The following OPCML variants were observed in gnomAD, a reference collection of about 807,000 sequenced individuals.
OPCML encodes opioid-binding protein/cell adhesion molecule.
OPCML carries 13 observed loss-of-function variants against 37.8 expected under a neutral mutation model. The ratio of observed to expected loss-of-function variants is 0.34; its 90% CI spans 0.22 to 0.55. The LOEUF is 0.55. OPCML is among the 20% of genes least tolerant of loss of function. The pLI is 0.91. For missense variants in OPCML, 341 were observed against 435.6 expected, an observed-to-expected ratio of 0.78 and a Z score of 1.93; for synonymous variants, 176 against 168.8, an observed-to-expected ratio of 1.04 and a Z score of -0.33.
At chr11:133,170,765 C>T (rs1592069605) in intron 1 of OPCML, among the ~76,000 whole-genome samples, 1 of 152,188 alleles carries the variant, frequency 6.6e-6, no homozygotes, top group Admixed American at 6.5e-5. Context: ...AAAGCCCCAA[C>T]ACTGGAAACA....
chr11:133,373,424 A>AATATATATAT (rs57417327), intron 1 of OPCML, among the ~76,000 whole-genome samples: 6,838 of 117,454 alleles, frequency 0.058, 265 homozygotes, highest in Non-Finnish European at 0.073. Flanking sequence ...ACTTAATTAA[A>AATATATATAT]ATATATATAT....
At position 133,346,832 on chromosome 11, in the gene OPCML, A is replaced by ATG. The variant is rs144232137; in HGVS notation, c.61+185430_61+185431dup. On this transcript the variant is annotated intron_variant, in intron 1 of 7. Transcript: ENST00000524381. ...ATGTTAGCTATGGGGTTTTCTGTGCATGTGTGTGTGTGTTTTGTTTTGTTT... is the reference window on the plus strand; with the variant it reads ...ATGTTAGCTATGGGGTTTTCTGTGCATGTGTGTGTGTGTGTTTTGTTTTGTTT... Among the ~76,000 whole-genome samples the ATG allele has an allele frequency of 1.8e-3, 270 of 152,118 alleles. 1 individual carries two copies. The highest frequency in any genetic ancestry group is 6.1e-3 in the African/African-American group (255 of 41,486).
At chr11:132,985,846 A>G (rs1946674810) in intron 1 of OPCML, among the ~76,000 whole-genome samples, 1 of 152,184 alleles carries the variant, frequency 6.6e-6, no homozygotes, top group Non-Finnish European at 1.5e-5. Flanking sequence ...GCAGTAAATC[A>G]TTCTGTTCTG....
At chr11:132,959,433 T>A (rs1258377916) in intron 1 of OPCML, among the ~76,000 whole-genome samples, 1 of 152,222 alleles carries the variant, frequency 6.6e-6, no homozygotes. Flanking sequence ...ACTTAGCTGA[T>A]AAAGCAGCGG....
chr11:132,645,756 A>G (rs1941115513), intron 3 of OPCML, among the ~76,000 whole-genome samples: 1 of 152,258 alleles, frequency 6.6e-6, no homozygotes, highest in Non-Finnish European at 1.5e-5. Context: ...TTCAAATTAA[A>G]TTAATTAAAA....
At chr11:132,591,107 G>C (rs73041747) in intron 3 of OPCML, among the ~76,000 whole-genome samples, 3,725 of 152,242 alleles carry the variant, frequency 0.024, 111 homozygotes, top group East Asian at 0.059. Context: ...TGTTCAATGA[G>C]AATCTCTCTC....
chr11:132,663,633 G>A, intron 2 of OPCML, among the ~76,000 whole-genome samples: 2 of 152,264 alleles, frequency 1.3e-5, no homozygotes, highest in East Asian at 3.9e-4. Context: ...TGTCAGTGAC[G>A]CCTTCCTACC....
chr11:132,481,308 A>G (rs1169107884), intron 4 of OPCML, among the ~76,000 whole-genome samples: 1 of 152,274 alleles, frequency 6.6e-6, no homozygotes, highest in South Asian at 2.1e-4. Flanking sequence ...AACAAAGATC[A>G]AAAGAGACAA....
chr11:133,164,876 C>T (rs370828280), intron 1 of OPCML, among the ~76,000 whole-genome samples: 1 of 152,208 alleles, frequency 6.6e-6, no homozygotes, highest in Non-Finnish European at 1.5e-5. Context: ...TCCTCTGGAA[C>T]TCTGAGTCCA....
At chr11:132,564,340 C>A (rs1244602937) in intron 3 of OPCML, among the ~76,000 whole-genome samples, 1 of 152,222 alleles carries the variant, frequency 6.6e-6, no homozygotes, top group Admixed American at 6.5e-5. Context: ...GCTGGGAGAC[C>A]TAACCGCTTC....
chr11:133,064,163 A>G (rs991719746), intron 1 of OPCML, among the ~76,000 whole-genome samples: 20 of 152,152 alleles, frequency 1.3e-4, no homozygotes, highest in Non-Finnish European at 8.8e-5. Flanking sequence ...TGAGGGGTGG[A>G]GCGGAGCCCA....
chr11:133,259,973 T>G lies in OPCML; in HGVS notation c.61+272291A>C, dbSNP rs756540681. ...AAAAGAAAGACAGACAATAGGCAAA[T>G]AGAGAAATCAATCTGAATAAACAAT... On this transcript the variant is annotated intron_variant, in intron 1 of 7. Coordinates refer to ENST00000524381, the MANE Select transcript of OPCML (RefSeq NM_001012393.5). Among the ~76,000 whole-genome samples the G allele has an allele frequency of 8.6e-4, 130 of 152,014 alleles. 1 individual carries two copies. Among genetic ancestry groups the G allele is most frequent in the Non-Finnish European group, 3.7e-4 (25 of 68,004 alleles).
chr11:132,559,001 A>G (rs1344031484), intron 3 of OPCML, among the ~76,000 whole-genome samples: 1 of 152,170 alleles, frequency 6.6e-6, no homozygotes, highest in Non-Finnish European at 1.5e-5. Flanking sequence ...TTGATTGGGA[A>G]TTGTCAATTC....
At chr11:132,498,695 GCTCTT>G (rs1337843605) in intron 4 of OPCML, among the ~76,000 whole-genome samples, 24 of 143,330 alleles carry the variant, frequency 1.7e-4, no homozygotes, top group Non-Finnish European at 1.0e-4. Context: ...TGAATTCCTG[GCTCTT>G]AGGCATATAG....
intron 2 of OPCML, among the ~76,000 whole-genome samples, chr11:132,778,961 CTTTTTTTTTTT>C (rs10657036): frequency 1.1e-5 from 1 of 87,944 alleles, no homozygotes; most frequent in Non-Finnish European, 2.1e-5. Context: ...TGGTATATTT[CTTTTTTTTTTT>C]TTTTTTTTTT....
At chr11:132,765,349 T>C (rs534676029) in intron 2 of OPCML, among the ~76,000 whole-genome samples, 1 of 152,348 alleles carries the variant, frequency 6.6e-6, no homozygotes, top group South Asian at 2.1e-4. Context: ...ATTTTTATTA[T>C]CCGAAACATT....
chr11:132,843,286 A>G (rs1369008982), intron 2 of OPCML, among the ~76,000 whole-genome samples: 1 of 151,872 alleles, frequency 6.6e-6, no homozygotes, highest in African/African-American at 2.4e-5. Flanking sequence ...TTAAGTAGCA[A>G]TGGGGTTTCT....
chr11:132,563,978 A>G (rs2096416467), intron 3 of OPCML, among the ~76,000 whole-genome samples: 1 of 152,154 alleles, frequency 6.6e-6, no homozygotes, highest in Non-Finnish European at 1.5e-5. Context: ...AACCACTGCC[A>G]TGTGAAGAAG....
intron 1 of OPCML, among the ~76,000 whole-genome samples, chr11:132,976,930 C>A (rs1270433198): frequency 6.6e-6 from 1 of 152,094 alleles, no homozygotes; most frequent in African/African-American, 2.4e-5. Flanking sequence ...CCATAGGGAG[C>A]TTTTTGAAAT....
Sources: allele counts gnomAD v4.1 joint callset (sites outside exome capture counted in the v4.1 genomes callset), GRCh38; gene constraint gnomAD v4.1.1; transcripts MANE v1.5; gene names NCBI Gene and HGNC (gene_info 2026-07-23, HGNC 2026-07-21).